Variants in ARHGEF18 observed in about 807,000 individuals in gnomAD.
ARHGEF18 encodes Rho/Rac guanine nucleotide exchange factor 18, also known as rho guanine nucleotide exchange factor 18.
ARHGEF18 carries 93 observed loss-of-function variants against 155.7 expected under a neutral mutation model. The ratio of observed to expected loss-of-function variants is 0.60; its 90% CI spans 0.50 to 0.71. The LOEUF is 0.71. Ranked by LOEUF, ARHGEF18 falls within the 30% of genes least tolerant of loss-of-function variation. The pLI, the probability that ARHGEF18 is intolerant of heterozygous loss-of-function variation, is 0.00. For missense variants in ARHGEF18, 1,593 were observed against 1,816.1 expected (o/e 0.88, Z 2.23); for synonymous variants, 742 against 753.1 (o/e 0.99, Z 0.24).
intron 10 of ARHGEF18, chr19:7,394,921 T>G: frequency 3.0e-6 from 1 of 335,364 alleles, no homozygotes; most frequent in Non-Finnish European, 4.2e-6. Flanking sequence ...AAAGTCGCCC[T>G]CACCCTCGCC....
chr19:7,435,328 C>G (rs918295529), intron 10 of ARHGEF18, among the ~76,000 whole-genome samples: 18 of 152,064 alleles, frequency 1.2e-4, no homozygotes, highest in Non-Finnish European at 1.8e-4. Flanking sequence ...ACTCACAGAC[C>G]CAGAAATGAC....
chr19:7,412,667 A>G (rs1972758088), intron 10 of ARHGEF18, among the ~76,000 whole-genome samples: 1 of 150,964 alleles, frequency 6.6e-6, no homozygotes, highest in African/African-American at 2.4e-5. Flanking sequence ...ACTTGAACCC[A>G]GGAGGCGGAG....
rs1333204591 is a variant in ARHGEF18, at chr19:7,424,365, A to G, written c.968-15979A>G. 2.6e-5 allele frequency among the ~76,000 whole-genome samples: 4 copies of G among 152,120 alleles called. No individual in the cohort carries two copies. The East Asian group carries it at 7.7e-4, about 29-fold the overall frequency. On this transcript the variant is annotated intron_variant, in intron 10 of 28. Coordinates refer to ENST00000668164, the MANE Select transcript of ARHGEF18 (RefSeq NM_001367823.1). ...GAGCTAGATTTTCTTGCAAGGTTAC[A>G]CTTATTAGCAAAGTCCTTGGGAAAA...
chr19:7,439,886 T>G (rs1600446930), intron 10 of ARHGEF18: 6 of 1,450,638 alleles, frequency 4.1e-6, no homozygotes, highest in South Asian at 1.5e-5. Context: ...GAGGGGTTGT[T>G]TTTTTTTTCT....
chr19:7,446,234 G>A (rs1974979501), intron 14 of ARHGEF18, among the ~76,000 whole-genome samples: 1 of 151,702 alleles, frequency 6.6e-6, no homozygotes, highest in Admixed American at 6.6e-5. Flanking sequence ...TTAGCCAGGT[G>A]TGGTGGTGGC....
At chr19:7,420,568 T>G (rs1206462761) in intron 10 of ARHGEF18, among the ~76,000 whole-genome samples, 1 of 152,260 alleles carries the variant, frequency 6.6e-6, no homozygotes, top group Non-Finnish European at 1.5e-5. Context: ...TGCTTGTTTT[T>G]AAGTGACTTG....
chr19:7,394,480 A>ACTGACAACCCCTCCAGGCATCCGTTGATT (rs1971565408), intron 10 of ARHGEF18, among the ~76,000 whole-genome samples: 1 of 151,620 alleles, frequency 6.6e-6, no homozygotes, highest in Non-Finnish European at 1.5e-5. Flanking sequence ...GTAGGAGCCC[A>ACTGACAACCCCTCCAGGCATCCGTTGATT]CTGACAACCC....
At chr19:7,398,888 G>C (rs1052222264) in intron 10 of ARHGEF18, among the ~76,000 whole-genome samples, 6 of 152,140 alleles carry the variant, frequency 3.9e-5, no homozygotes, top group African/African-American at 1.4e-4. Context: ...GCCCTTTGTG[G>C]GCCAGGGCCG....
intron 7 of ARHGEF18, among the ~76,000 whole-genome samples, chr19:7,380,241 G>A (rs1194889505): frequency 2.0e-5 from 3 of 152,000 alleles, no homozygotes; most frequent in Admixed American, 2.0e-4. Flanking sequence ...CACTTTGGGA[G>A]GCCAAGGCGG....
Position 7,463,814 on chromosome 19 carries a change from A to C in ARHGEF18, c.2636-4A>C, listed in dbSNP as rs375960588. The C allele has an allele frequency of 6.9e-6, 11 of 1,603,540 alleles. No homozygotes were observed. The highest frequency in any genetic ancestry group is 9.4e-6 in the Non-Finnish European group (11 of 1,175,712). ...CCGTGCCTCCTGTCCCCTTCCTTCC[A>C]CAGTCGAGGGCATCCAGAGCCTGAT... On this transcript the variant is annotated splice_region_variant and splice_polypyrimidine_tract_variant and intron_variant, in intron 21 of 28. Coordinates refer to ENST00000668164, the MANE Select transcript of ARHGEF18 (RefSeq NM_001367823.1). This position sits in a 1 kb window ranked among gnomAD's most constrained non-coding sequence, Gnocchi z 5.2.
At chr19:7,389,296 G>A (rs1321811617) in intron 10 of ARHGEF18, among the ~76,000 whole-genome samples, 1 of 149,220 alleles carries the variant, frequency 6.7e-6, no homozygotes, top group Admixed American at 6.7e-5. Flanking sequence ...GACTAGAAGT[G>A]CATGCCATCA....
intron 10 of ARHGEF18, among the ~76,000 whole-genome samples, chr19:7,426,589 A>C (rs1330006637): frequency 1.3e-5 from 2 of 152,028 alleles, no homozygotes; most frequent in African/African-American, 2.4e-5. Flanking sequence ...GGGCACCAGA[A>C]TCTAGCTCTC....
chr19:7,397,625 C>T (rs1432600349), intron 10 of ARHGEF18, among the ~76,000 whole-genome samples: 6 of 151,928 alleles, frequency 3.9e-5, no homozygotes, highest in South Asian at 2.1e-4. Flanking sequence ...CCCAGCTAGT[C>T]AGGAGGCTGA....
chr19:7,460,645 G>A (rs966821483), intron 20 of ARHGEF18, among the ~76,000 whole-genome samples: 4 of 152,022 alleles, frequency 2.6e-5, no homozygotes, highest in African/African-American at 7.2e-5. Flanking sequence ...CACACCGCGC[G>A]GCCTTTTGGG....
intron 1 of ARHGEF18, among the ~76,000 whole-genome samples, chr19:7,354,689 T>C (rs1462434335): frequency 6.9e-6 from 1 of 144,126 alleles, no homozygotes; most frequent in East Asian, 1.9e-4. Flanking sequence ...CGCTTGTGCC[T>C]GGGAGTTTTG....
rs1970429292 is a variant in ARHGEF18 at position 7,375,663 on chromosome 19, G to A, written c.276-57G>A. 4.9e-6 allele frequency: 6 copies of A among 1,231,426 alleles called. No individual in the cohort carries two copies. The South Asian group carries it at 1.6e-4, about 34-fold the overall frequency. The allele number at this position is 1,231,426 out of a possible 1,614,324, so 76.3% of individuals were successfully genotyped here. A position where few individuals can be genotyped will look rare whatever the true frequency, so the allele number is the denominator to read the frequency against. ...TTTCAAGCCCCCCTGGATGCCTGGG[G>A]CAGCAGCCAGGTGGGCAAGACCTGC... On this transcript the variant is annotated intron_variant, in intron 3 of 28. Transcript: ENST00000668164.
intron 10 of ARHGEF18, among the ~76,000 whole-genome samples, chr19:7,436,562 G>A (rs562873608): frequency 2.6e-5 from 4 of 152,282 alleles, no homozygotes; most frequent in African/African-American, 9.6e-5. Context: ...ACAGGTGTGA[G>A]CCACAACACC....
At chr19:7,412,378 T>C (rs1416175733) in intron 10 of ARHGEF18, among the ~76,000 whole-genome samples, 2 of 151,728 alleles carry the variant, frequency 1.3e-5, no homozygotes, top group Non-Finnish European at 2.9e-5. Context: ...TTTACCTTCC[T>C]ACCAGCAGTG....
intron 10 of ARHGEF18, among the ~76,000 whole-genome samples, chr19:7,422,828 C>G (rs149102782): frequency 0.019 from 2,788 of 149,234 alleles, 82 homozygotes; most frequent in African/African-American, 0.064. Flanking sequence ...AAGCAATTCT[C>G]CTGCCTCAGC....
Sources: allele counts gnomAD v4.1 joint callset (sites outside exome capture counted in the v4.1 genomes callset), GRCh38; gene constraint gnomAD v4.1.1; non-coding constraint Gnocchi (gnomAD v3.1); transcripts MANE v1.5; gene names NCBI Gene and HGNC (gene_info 2026-07-23, HGNC 2026-07-21).